Variants in MUSK observed in about 807,000 individuals in gnomAD.
MUSK encodes muscle, skeletal receptor tyrosine-protein kinase.
A neutral mutation model predicts 88.7 loss-of-function variants in MUSK; 55 were observed. The ratio of observed to expected loss-of-function variants is 0.62; its 90% CI spans 0.50 to 0.78. The LOEUF (loss-of-function observed/expected upper bound fraction) is 0.78, where lower values mean the gene tolerates loss of function less well. MUSK is among the 30% of genes least tolerant of loss of function. The pLI, the probability that MUSK is intolerant of heterozygous loss-of-function variation, is 0.00. For missense variants in MUSK, 1,015 were observed against 1,074.3 expected (o/e 0.94, Z 0.77); for synonymous variants, 387 against 391.9 (o/e 0.99, Z 0.15).
chr9:110,746,642 C>T (rs1183169440), intron 6 of MUSK, among the ~76,000 whole-genome samples: 2 of 152,112 alleles, frequency 1.3e-5, no homozygotes, highest in African/African-American at 4.8e-5. Context: ...TATCTTGGCT[C>T]TTTAAGGACA....
At chr9:110,737,438 T>C (rs1453834102) in intron 6 of MUSK, among the ~76,000 whole-genome samples, 1 of 152,072 alleles carries the variant, frequency 6.6e-6, no homozygotes, top group Non-Finnish European at 1.5e-5. Flanking sequence ...ATTGAACCAT[T>C]CTTTCATTTC....
At chr9:110,789,031 G>A (rs1211806697) in intron 14 of MUSK, among the ~76,000 whole-genome samples, 1 of 152,142 alleles carries the variant, frequency 6.6e-6, no homozygotes, top group Non-Finnish European at 1.5e-5. Flanking sequence ...TAATGGGGGA[G>A]GTAGGCAGGT....
At position 110,803,063 on chromosome 9, in the gene MUSK, A is replaced by G. The variant is rs1041496740; in HGVS notation, c.*2075A>G. Among the ~76,000 whole-genome samples the G allele has an allele frequency of 2.6e-5, 4 of 152,238 alleles. No homozygotes were observed. Among genetic ancestry groups the G allele is most frequent in the Admixed American group, 2.6e-4 (4 of 15,284 alleles). On this transcript the variant is annotated 3_prime_UTR_variant, in exon 15 of 15. Transcript: ENST00000374448. ...ATCCATGGCTTATTTTAGATGGTTC[A>G]TGTATGCTCTGCAAAATTCAAAGAC...
intron 1 of MUSK, among the ~76,000 whole-genome samples, chr9:110,677,773 G>C (rs2076050521): frequency 6.6e-6 from 1 of 152,068 alleles, no homozygotes; most frequent in South Asian, 2.1e-4. Flanking sequence ...TATTTATCAT[G>C]TTAAAGAAAT....
intron 5 of MUSK, among the ~76,000 whole-genome samples, chr9:110,715,000 AT>A (rs2076727290): frequency 7.1e-6 from 1 of 141,808 alleles, no homozygotes; most frequent in Admixed American, 6.8e-5. Context: ...AATTCAGTTT[AT>A]GAAAGGAGTT....
intron 3 of MUSK, among the ~76,000 whole-genome samples, chr9:110,690,188 G>GTATATATAAA (rs1173685941): frequency 6.7e-5 from 6 of 89,988 alleles, no homozygotes; most frequent in Non-Finnish European, 1.1e-4. Flanking sequence ...ATATATTTAA[G>GTATATATAAA]TATATATAAA....
intron 14 of MUSK, among the ~76,000 whole-genome samples, chr9:110,790,170 TAAGTC>T (rs1282210291): frequency 6.6e-6 from 1 of 152,226 alleles, no homozygotes; most frequent in Non-Finnish European, 1.5e-5. Flanking sequence ...TCATATGCAT[TAAGTC>T]AAGTGAGAGG....
intron 3 of MUSK, among the ~76,000 whole-genome samples, chr9:110,690,448 A>G (rs1333683143): frequency 3.6e-4 from 21 of 58,526 alleles, no homozygotes; most frequent in Admixed American, 1.1e-3. Context: ...ATAAGTATAT[A>G]TAAATATATA....
chr9:110,787,098 C>T (rs1278951027), intron 13 of MUSK, among the ~76,000 whole-genome samples: 1 of 152,128 alleles, frequency 6.6e-6, no homozygotes, highest in East Asian at 1.9e-4. Flanking sequence ...CGCGATGGCT[C>T]ACACCTGTAA....
intron 2 of MUSK, among the ~76,000 whole-genome samples, chr9:110,683,779 T>C (rs2076161953): frequency 6.6e-6 from 1 of 152,176 alleles, no homozygotes; most frequent in African/African-American, 2.4e-5. Context: ...TCTGCATGTC[T>C]TCTTTCGAGA....
chr9:110,729,910 C>T (rs2076941627), intron 5 of MUSK, among the ~76,000 whole-genome samples: 1 of 152,018 alleles, frequency 6.6e-6, no homozygotes, highest in South Asian at 2.1e-4. Context: ...CTTTTTATTA[C>T]ACTCCAGTGC....
intron 13 of MUSK, among the ~76,000 whole-genome samples, chr9:110,786,560 A>G (rs1256143549): frequency 1.3e-5 from 2 of 152,144 alleles, no homozygotes; most frequent in Admixed American, 1.3e-4. Flanking sequence ...TTTTCAGGAA[A>G]GAATTTACCA....
rs752151822 is a variant in MUSK at position 110,800,622 on chromosome 9, G to T, written c.2244G>T (p.Arg748Ser). ...AAATTGCCGACTTTGGCCTCTCCAG[G>T]AACATCTACTCAGCAGACTACTACA... is the stretch of plus-strand genomic sequence containing the variant. The part of the protein sequence containing the change: ...VVKIADFGLS[R>S]NIYSADYYKA... Residue 748 changes from arginine (R) to serine (S), a missense_variant, in exon 15 of 15, where the codon AGG (arginine) becomes AGT (serine). Transcript: ENST00000374448. The T allele has an allele frequency of 1.3e-6, 2 of 1,560,498 alleles. No homozygotes were observed. The highest frequency in any genetic ancestry group is 4.8e-5 in the East Asian group (2 of 41,400).
At chr9:110,766,611 C>A (rs960070736) in intron 8 of MUSK, among the ~76,000 whole-genome samples, 1 of 152,070 alleles carries the variant, frequency 6.6e-6, no homozygotes, top group African/African-American at 2.4e-5. Context: ...TAAAGACCTG[C>A]CAGTGGTGGT....
At chr9:110,772,372 C>CT (rs1447204257) in intron 9 of MUSK, among the ~76,000 whole-genome samples, 2 of 151,582 alleles carry the variant, frequency 1.3e-5, no homozygotes, top group African/African-American at 4.8e-5. Flanking sequence ...TAGTTATTTC[C>CT]TAAATCTATG....
Position 110,802,625 on chromosome 9 carries a change from C to A in MUSK, c.*1637C>A, listed in dbSNP as rs1383529412. 2.6e-5 allele frequency among the ~76,000 whole-genome samples: 4 copies of A among 152,138 alleles called. No individual in the cohort carries two copies. The highest frequency in any genetic ancestry group is 9.7e-5 in the African/African-American group (4 of 41,432). On this transcript the variant is annotated 3_prime_UTR_variant, in exon 15 of 15. Transcript: ENST00000374448. ...AATGTAGAAATTTTCCTAGACTTTGCCCTCTCTTTCATCATCAGTTTTCTA... is the reference window on the plus strand; with the variant it reads ...AATGTAGAAATTTTCCTAGACTTTGACCTCTCTTTCATCATCAGTTTTCTA...
chr9:110,751,705 A>T (rs1414232700), intron 7 of MUSK, among the ~76,000 whole-genome samples: 1 of 152,100 alleles, frequency 6.6e-6, no homozygotes, highest in Non-Finnish European at 1.5e-5. Context: ...GCCACTCTGG[A>T]CAGGGGTATG....
At chr9:110,678,995 TCTC>T (rs1178215329) in intron 1 of MUSK, among the ~76,000 whole-genome samples, 2 of 152,118 alleles carry the variant, frequency 1.3e-5, no homozygotes, top group Admixed American at 6.5e-5. Flanking sequence ...TGGGTTAAAA[TCTC>T]CTATGTAGCT....
intron 6 of MUSK, among the ~76,000 whole-genome samples, chr9:110,737,522 G>A (rs1452695948): frequency 1.3e-5 from 2 of 151,668 alleles, no homozygotes; most frequent in East Asian, 3.9e-4. Flanking sequence ...AGGATTATTT[G>A]CATCTATTTT....
Sources: allele counts gnomAD v4.1 joint callset (sites outside exome capture counted in the v4.1 genomes callset), GRCh38; gene constraint gnomAD v4.1.1; transcripts MANE v1.5; gene names NCBI Gene and HGNC (gene_info 2026-07-23, HGNC 2026-07-21).